Variants in FMNL2 observed in about 807,000 individuals in gnomAD.
FMNL2 encodes the protein formin-like protein 2.
FMNL2 carries 51 observed loss-of-function variants against 130.2 expected under a neutral mutation model. The ratio of observed to expected loss-of-function variants is 0.39; its 90% CI spans 0.31 to 0.49. The LOEUF is 0.49. Ranked by LOEUF, FMNL2 falls within the 20% of genes least tolerant of loss-of-function variation. The pLI is 0.85. For synonymous variants in FMNL2, 465 were observed against 467.1 expected (o/e 1.00, Z 0.06); for missense variants, 977 against 1,316.2 (o/e 0.74, Z 3.99).
chr2:152,336,537 C>T (rs950253592), intron 1 of FMNL2, among the ~76,000 whole-genome samples: 13 of 152,206 alleles, frequency 8.5e-5, no homozygotes, highest in African/African-American at 3.1e-4. Context: ...CTTTCCAGCT[C>T]CTCAAATCCA....
chr2:152,476,069 A>C (rs1690135911), intron 1 of FMNL2, among the ~76,000 whole-genome samples: 1 of 152,156 alleles, frequency 6.6e-6, no homozygotes, highest in Non-Finnish European at 1.5e-5. Flanking sequence ...CCCTTGATGC[A>C]CTTCACCTTC....
chr2:152,441,834 C>A (rs1157759367), intron 1 of FMNL2, among the ~76,000 whole-genome samples: 12 of 146,660 alleles, frequency 8.2e-5, no homozygotes, highest in South Asian at 2.2e-4. Flanking sequence ...CACTCCGTCT[C>A]AAAAAAAAAA....
At chr2:152,627,222 A>C (rs1329117237) in intron 17 of FMNL2, among the ~76,000 whole-genome samples, 1 of 152,234 alleles carries the variant, frequency 6.6e-6, no homozygotes, top group Non-Finnish European at 1.5e-5. Flanking sequence ...ATACAGATGC[A>C]TATTTTAATT....
rs1437734521 is a variant in FMNL2 at position 152,340,943 on chromosome 2, G to T, written c.117+5223G>T. Among the ~76,000 whole-genome samples, 5 of 152,310 alleles carry T rather than the reference G, an allele frequency of 3.3e-5. No homozygotes were observed. In the East Asian group the frequency reaches 7.7e-4, roughly 24 times the overall value. On this transcript the variant is annotated intron_variant, in intron 1 of 25. Coordinates refer to ENST00000288670, the MANE Select transcript of FMNL2 (RefSeq NM_052905.4). Reference sequence around the variant, plus strand: ...CTGACCTCGTGATCCACCTGCCTCAGCCTCCCAGAGTGCTGGGATTACAGG... The same window carrying T: ...CTGACCTCGTGATCCACCTGCCTCATCCTCCCAGAGTGCTGGGATTACAGG...
intron 1 of FMNL2, among the ~76,000 whole-genome samples, chr2:152,397,388 GAAAA>G (rs5835428): frequency 5.3e-5 from 8 of 151,350 alleles, no homozygotes; most frequent in African/African-American, 1.9e-4. Flanking sequence ...CAGTTAGGGG[GAAAA>G]AAAAAAATGA....
chr2:152,642,240 T>C (rs1356923939), intron 25 of FMNL2, among the ~76,000 whole-genome samples: 3 of 152,178 alleles, frequency 2.0e-5, no homozygotes, highest in African/African-American at 2.4e-5. Context: ...ATGCCCAGCC[T>C]GTCTCATTTC....
intron 6 of FMNL2, among the ~76,000 whole-genome samples, chr2:152,573,791 A>C (rs1696313923): frequency 6.6e-6 from 1 of 152,244 alleles, no homozygotes; most frequent in Admixed American, 6.5e-5. Context: ...TGAGCATAGA[A>C]TACAACTAAT....
At chr2:152,389,656 A>G (rs1487390511) in intron 1 of FMNL2, among the ~76,000 whole-genome samples, 1 of 152,202 alleles carries the variant, frequency 6.6e-6, no homozygotes, top group Non-Finnish European at 1.5e-5. Flanking sequence ...AGACCTCAGG[A>G]CGTGGATCCG....
rs779570651 is a variant in FMNL2, at chr2:152,647,809, A to G, written c.3183A>G (p.Gln1061=). 2 of 1,613,922 alleles carry G rather than the reference A, an allele frequency of 1.2e-6. No individual in the cohort carries two copies. The highest frequency in any genetic ancestry group is 2.2e-5 in the East Asian group (1 of 44,880). The change falls in exon 26 of 26, where the codon CAA becomes CAG. Residue 1061 remains glutamine, a synonymous_variant. Transcript: ENST00000288670. ...IEDIITDLRN[Q]PYRRADAVRR... Reference sequence around the variant, plus strand: ...TCCCCTTTACAGATCTTAGAAACCAACCATACAGACGAGCCGATGCGGTGA... The same window carrying G: ...TCCCCTTTACAGATCTTAGAAACCAGCCATACAGACGAGCCGATGCGGTGA...
intron 1 of FMNL2, among the ~76,000 whole-genome samples, chr2:152,338,719 T>C (rs1284927881): frequency 6.6e-6 from 1 of 152,070 alleles, no homozygotes; most frequent in Non-Finnish European, 1.5e-5. Context: ...TAGTAATAGT[T>C]ATAAAACTTA....
chr2:152,586,949 T>C (rs1479278800), intron 9 of FMNL2, among the ~76,000 whole-genome samples: 1 of 152,174 alleles, frequency 6.6e-6, no homozygotes, highest in Non-Finnish European at 1.5e-5. Flanking sequence ...TGGGGCCTCA[T>C]CAGGGAAGAC....
At chr2:152,436,335 A>G (rs886316769) in intron 1 of FMNL2, among the ~76,000 whole-genome samples, 1 of 152,018 alleles carries the variant, frequency 6.6e-6, no homozygotes, top group African/African-American at 2.4e-5. Flanking sequence ...TTTTGTAGAA[A>G]TGAGGGTCTC....
chr2:152,363,433 T>C (rs1683296719), intron 1 of FMNL2, among the ~76,000 whole-genome samples: 2 of 152,248 alleles, frequency 1.3e-5, no homozygotes, highest in Admixed American at 6.5e-5. Context: ...TGGGGACTTT[T>C]ACTAAGATAC....
intron 13 of FMNL2, among the ~76,000 whole-genome samples, chr2:152,618,239 G>A (rs1485161302): frequency 1.3e-5 from 2 of 152,266 alleles, no homozygotes; most frequent in South Asian, 2.1e-4. Flanking sequence ...ATTAGTGAAG[G>A]GAAGCTTTGG....
chr2:152,447,234 G>A (rs751999849), intron 1 of FMNL2, among the ~76,000 whole-genome samples: 13 of 151,934 alleles, frequency 8.6e-5, no homozygotes, highest in African/African-American at 2.7e-4. Context: ...TCCAGTAGTC[G>A]GGATTATAGG....
chr2:152,462,485 A>G (rs2105133694), intron 1 of FMNL2, among the ~76,000 whole-genome samples: 1 of 152,352 alleles, frequency 6.6e-6, no homozygotes, highest in East Asian at 1.9e-4. Flanking sequence ...CGGAGTTTAC[A>G]AAGCTCCCCA....
chr2:152,647,898 C>T lies in FMNL2; in HGVS notation c.3272C>T (p.Thr1091Ile), dbSNP rs1683756031. Reference sequence around the variant, plus strand: ...CGTTCTGTTAATGGTGCCGAAATAACAATGTGAACCTGAGACTGGCCTGCA... The same window carrying T: ...CGTTCTGTTAATGGTGCCGAAATAATAATGTGAACCTGAGACTGGCCTGCA... ...NLRSVNGAEI[T>I]M Residue 1091 changes from threonine (T) to isoleucine (I), a missense_variant, in exon 26 of 26, where the codon ACA becomes ATA. By Grantham distance (89) the Thr-to-Ile change is moderately conservative. Transcript: ENST00000288670. 1 of 1,612,192 alleles carries T rather than the reference C, an allele frequency of 6.2e-7. No individual in the cohort carries two copies. Among genetic ancestry groups the T allele is most frequent in the Non-Finnish European group, 8.5e-7 (1 of 1,178,960 alleles).
chr2:152,553,540 A>AT (rs568985282), intron 4 of FMNL2, among the ~76,000 whole-genome samples: 1,795 of 126,310 alleles, frequency 0.014, 26 homozygotes, highest in African/African-American at 0.042. Context: ...CAATTCTCAC[A>AT]TTTTTTTTTT....
intron 1 of FMNL2, among the ~76,000 whole-genome samples, chr2:152,467,333 CACACAA>C (rs1382487981): frequency 6.6e-6 from 1 of 152,198 alleles, no homozygotes; most frequent in East Asian, 1.9e-4. Context: ...TGAAATGAAA[CACACAA>C]ATCTCAAAAT....
Sources: allele counts gnomAD v4.1 joint callset (sites outside exome capture counted in the v4.1 genomes callset), GRCh38; gene constraint gnomAD v4.1.1; transcripts MANE v1.5; gene names NCBI Gene and HGNC (gene_info 2026-07-23, HGNC 2026-07-21).